KSR1: variants seen among roughly 807,000 people sequenced by gnomAD.
KSR1 encodes kinase suppressor of ras.
KSR1 carries 35 observed loss-of-function variants against 92.9 expected under a neutral mutation model. That is an observed-to-expected ratio of 0.38 (90% CI 0.29 to 0.50). The LOEUF (loss-of-function observed/expected upper bound fraction) is 0.50. Ranked by LOEUF, KSR1 falls within the 20% of genes least tolerant of loss-of-function variation. The pLI is 0.94. For missense variants in KSR1, 972 were observed against 1,158.5 expected (o/e 0.84, Z 2.34); for synonymous variants, 467 against 472.6 (o/e 0.99, Z 0.15).
chr17:27,494,245 G>A (rs570347091), intron 1 of KSR1, among the ~76,000 whole-genome samples: 6 of 152,192 alleles, frequency 3.9e-5, no homozygotes, highest in African/African-American at 1.2e-4. Flanking sequence ...GAGAAATGCC[G>A]TGTGGTTGCG....
At chr17:27,553,066 T>A (rs1367808678) in intron 2 of KSR1, among the ~76,000 whole-genome samples, 1 of 152,036 alleles carries the variant, frequency 6.6e-6, no homozygotes, top group Non-Finnish European at 1.5e-5. Context: ...CTCAACCACT[T>A]CTCTCTCCTT....
At chr17:27,505,253 C>T (rs142331580) in intron 1 of KSR1, among the ~76,000 whole-genome samples, 52 of 152,276 alleles carry the variant, frequency 3.4e-4, no homozygotes, top group African/African-American at 1.2e-3. Flanking sequence ...GCTCCCAGAC[C>T]GAGGGGTTGA....
intron 1 of KSR1, among the ~76,000 whole-genome samples, chr17:27,514,184 C>T (rs1397132540): frequency 2.6e-5 from 4 of 152,236 alleles, no homozygotes; most frequent in Admixed American, 2.6e-4. Context: ...AACAGCTAGG[C>T]AAGCTCCCAG....
intron 11 of KSR1, 29 bp from the exon 12 acceptor site, chr17:27,603,805 G>A (rs1205365325): frequency 6.2e-7 from 1 of 1,613,130 alleles, no homozygotes; most frequent in South Asian, 1.1e-5. Flanking sequence ...GCAATCTCAT[G>A]CTTTGTGTTT....
At chr17:27,467,817 T>TG (rs1419236732) in intron 1 of KSR1, among the ~76,000 whole-genome samples, 2 of 151,500 alleles carry the variant, frequency 1.3e-5, no homozygotes, top group Non-Finnish European at 1.5e-5. Context: ...TGTTTTGTTT[T>TG]TTTTTTTTTT....
intron 4 of KSR1, 89 bp downstream of exon 4, chr17:27,583,194 CT>C (rs903906379): frequency 2.3e-4 from 209 of 898,606 alleles, no homozygotes; most frequent in Admixed American, 2.1e-4. Flanking sequence ...AAATCAACCC[CT>C]ATAGACGTGT....
chr17:27,544,387 T>G (rs914635289), intron 1 of KSR1, among the ~76,000 whole-genome samples: 6 of 152,262 alleles, frequency 3.9e-5, no homozygotes, highest in Non-Finnish European at 8.8e-5. Flanking sequence ...AGACTGAAGC[T>G]GAGCCAAGGG....
chr17:27,494,729 G>A (rs982523738), intron 1 of KSR1, among the ~76,000 whole-genome samples: 1 of 152,232 alleles, frequency 6.6e-6, no homozygotes, highest in African/African-American at 2.4e-5. Context: ...TGATGGAGCT[G>A]TTTCCCAATC....
chr17:27,548,825 C>CAA (rs545406045), intron 1 of KSR1, among the ~76,000 whole-genome samples: 223 of 140,180 alleles, frequency 1.6e-3, no homozygotes, highest in African/African-American at 4.7e-3. Flanking sequence ...GTGACCATCT[C>CAA]AAAAAAAAAA....
intron 2 of KSR1, among the ~76,000 whole-genome samples, chr17:27,564,281 G>A (rs564992808): frequency 1.4e-4 from 21 of 152,266 alleles, no homozygotes; most frequent in African/African-American, 2.4e-4. Context: ...GTGAGCCCCC[G>A]CACCTGGCCT....
intron 9 of KSR1, 48 bp downstream of exon 9, chr17:27,592,674 C>T: frequency 2.0e-6 from 3 of 1,506,738 alleles, no homozygotes; most frequent in Non-Finnish European, 1.8e-6. Flanking sequence ...ACTGGCCTTC[C>T]TTCCTATAAA....
At chr17:27,579,493 G>A (rs562338539) in intron 3 of KSR1, 4 of 152,312 alleles carry the variant, frequency 2.6e-5, no homozygotes, top group African/African-American at 9.6e-5. Context: ...ATCAGAGCCT[G>A]GCATGTATTA....
At position 27,585,640 on chromosome 17, in the gene KSR1, C is replaced by CT; in HGVS notation, c.981-12dup. 1 of 761,664 alleles carries CT rather than the reference C, an allele frequency of 1.3e-6. No homozygotes were observed. The highest frequency in any genetic ancestry group is 2.4e-6 in the Non-Finnish European group (1 of 408,646). 47.2% of individuals were successfully genotyped at this position (761,664 alleles called of 1,614,324 possible). A position where few individuals can be genotyped will look rare whatever the true frequency, so the allele number is the denominator to read the frequency against. ...CGTGGTGACGTAATCCCCCTCTCTG[C>CT]TTTTTGTCTCCTCCAGGTTTGGTAA... On this transcript the variant is annotated splice_polypyrimidine_tract_variant and intron_variant, in intron 4 of 20. Transcript: ENST00000644974.
chr17:27,611,701 C>T, intron 18 of KSR1, 72 bp downstream of exon 18: 1 of 1,579,748 alleles, frequency 6.3e-7, no homozygotes, highest in South Asian at 1.1e-5. Flanking sequence ...GGCTGCCCTT[C>T]ACTCACCCAC....
At chr17:27,527,622 T>G (rs974621863) in intron 1 of KSR1, among the ~76,000 whole-genome samples, 1 of 152,130 alleles carries the variant, frequency 6.6e-6, no homozygotes, top group Non-Finnish European at 1.5e-5. Flanking sequence ...CTTGAACTCC[T>G]GACCTCAAGT....
At chr17:27,460,969 G>A (rs1403930470) in intron 1 of KSR1, among the ~76,000 whole-genome samples, 1 of 152,220 alleles carries the variant, frequency 6.6e-6, no homozygotes, top group Non-Finnish European at 1.5e-5. Flanking sequence ...GAGCCAGGCA[G>A]GGCACAGTAA....
intron 2 of KSR1, among the ~76,000 whole-genome samples, chr17:27,572,841 G>A (rs951844508): frequency 6.6e-6 from 1 of 152,212 alleles, no homozygotes; most frequent in Non-Finnish European, 1.5e-5. Flanking sequence ...GGGCACTGTT[G>A]AGTCATGATA....
rs562967620 is a variant in KSR1 at position 27,487,325 on chromosome 17, C to T, written c.231+30451C>T. ...TAGCGCACGTCTGTAATCCCAGCTA[C>T]TCGGGAGGCTGAGGAAGGAGAATCG... On this transcript the variant is annotated intron_variant, in intron 1 of 20. Transcript: ENST00000644974. 2.0e-5 allele frequency among the ~76,000 whole-genome samples: 3 copies of T among 152,078 alleles called. 1 individual carries two copies. The South Asian group carries it at 6.2e-4, about 32-fold the overall frequency.
chr17:27,598,033 C>T (rs761184896), intron 10 of KSR1, among the ~76,000 whole-genome samples: 1 of 152,206 alleles, frequency 6.6e-6, no homozygotes, highest in Admixed American at 6.5e-5. Flanking sequence ...CCTCCAGCTC[C>T]ACCCCAGCCC....
Sources: gnomAD v4.1 joint callset for allele counts (sites outside exome capture counted in the v4.1 genomes callset) on GRCh38, gnomAD v4.1.1 for gene constraint, MANE v1.5 for transcripts, NCBI Gene and HGNC (gene_info 2026-07-23, HGNC 2026-07-21) for gene names.